ORC5: variants seen among roughly 807,000 people sequenced by gnomAD.
ORC5 encodes protein phosphatase 1, regulatory subunit 117.
Under a neutral mutation model 58.8 loss-of-function variants are expected in ORC5, and 39 were observed. The ratio of observed to expected loss-of-function variants is 0.66; its 90% CI spans 0.51 to 0.87. The LOEUF (loss-of-function observed/expected upper bound fraction) is 0.87. Ranked by LOEUF, ORC5 falls within the 40% of genes least tolerant of loss-of-function variation. ORC5 has a pLI of 0.00. For missense variants in ORC5, 493 were observed against 506.3 expected (o/e 0.97, Z 0.25); for synonymous variants, 218 against 177.6 (o/e 1.23, Z -1.81).
intron 6 of ORC5, among the ~76,000 whole-genome samples, chr7:104,184,766 C>A (rs1799508556): frequency 6.6e-6 from 1 of 152,140 alleles, no homozygotes; most frequent in East Asian, 1.9e-4. Flanking sequence ...TCTCTGATCA[C>A]CCCCCACCTT....
At chr7:104,202,771 C>T (rs952935579) in intron 2 of ORC5, among the ~76,000 whole-genome samples, 3 of 152,114 alleles carry the variant, frequency 2.0e-5, no homozygotes, top group Non-Finnish European at 2.9e-5. Context: ...CAGTATATAG[C>T]CCAGGCATAT....
intron 12 of ORC5, among the ~76,000 whole-genome samples, chr7:104,155,250 G>A (rs78074977): frequency 0.045 from 6,749 of 151,510 alleles, 494 homozygotes; most frequent in African/African-American, 0.15. Context: ...AACAGAAAAG[G>A]TATATATTTG....
intron 5 of ORC5, among the ~76,000 whole-genome samples, chr7:104,192,767 T>C (rs180832780): frequency 6.6e-6 from 1 of 151,700 alleles, no homozygotes; most frequent in East Asian, 1.9e-4. Context: ...ATCATAAGTA[T>C]GCTCATATGC....
At chr7:104,158,041 T>A (rs946528302) in intron 12 of ORC5, among the ~76,000 whole-genome samples, 15 of 152,142 alleles carry the variant, frequency 9.9e-5, no homozygotes, top group Non-Finnish European at 1.8e-4. Context: ...TTTATACATT[T>A]CTGTATAATA....
At chr7:104,173,834 T>TA (rs1471171417) in intron 8 of ORC5, among the ~76,000 whole-genome samples, 1 of 141,110 alleles carries the variant, frequency 7.1e-6, no homozygotes, top group African/African-American at 2.7e-5. Context: ...TACCTGGGTT[T>TA]AAAATTTTTT....
At chr7:104,148,877 T>C (rs929954140) in intron 12 of ORC5, among the ~76,000 whole-genome samples, 11 of 152,070 alleles carry the variant, frequency 7.2e-5, no homozygotes, top group African/African-American at 2.4e-4. Context: ...CTATTAAAGA[T>C]ACAAAAATTA....
At chr7:104,128,685 C>A (rs1401293677) in intron 13 of ORC5, among the ~76,000 whole-genome samples, 1 of 130,540 alleles carries the variant, frequency 7.7e-6, no homozygotes, top group African/African-American at 2.9e-5. Flanking sequence ...TCCCCCCCAC[C>A]CCACAACAGT....
chr7:104,139,961 C>T (rs191818107), intron 12 of ORC5, among the ~76,000 whole-genome samples: 9 of 152,026 alleles, frequency 5.9e-5, no homozygotes, highest in African/African-American at 1.7e-4. Flanking sequence ...AGCTATGTTA[C>T]TAGGTAACAT....
intron 1 of ORC5, 29 bp from the exon 2 acceptor site, chr7:104,204,263 T>C (rs1800019722): frequency 2.4e-6 from 3 of 1,233,312 alleles, no homozygotes; most frequent in African/African-American, 3.0e-5. Flanking sequence ...AATATGAGGC[T>C]GCACATACAA....
In ORC5 at chr7:104,136,911, T is replaced by A; in HGVS notation, c.1150-18A>T. 1 of 1,486,504 alleles carries A rather than the reference T, an allele frequency of 6.7e-7. No homozygotes were observed. 92.1% of individuals were successfully genotyped at this position (1,486,504 alleles called of 1,614,324 possible). On this transcript the variant is annotated intron_variant, in intron 12 of 13. Coordinates refer to ENST00000297431, the MANE Select transcript of ORC5 (RefSeq NM_002553.4). This position sits in a 1 kb window ranked among gnomAD's most constrained non-coding sequence, Gnocchi z 4.2. ...GAGGTAATCTAAAAGAGAACATTTT[T>A]ATAAGAAACTGTTTTAATAAGATTA...
At chr7:104,190,037 G>C (rs1057232682) in intron 5 of ORC5, among the ~76,000 whole-genome samples, 2 of 152,052 alleles carry the variant, frequency 1.3e-5, no homozygotes, top group African/African-American at 2.4e-5. Flanking sequence ...TTGATATCTA[G>C]AAAACTGAAG....
intron 12 of ORC5, among the ~76,000 whole-genome samples, chr7:104,157,710 G>A (rs1798949686): frequency 6.6e-6 from 1 of 152,042 alleles, no homozygotes; most frequent in Non-Finnish European, 1.5e-5. Context: ...TAAAATTGCT[G>A]AAGAGTTTAT....
At chr7:104,202,104 C>CAAA (rs11440920) in intron 2 of ORC5, among the ~76,000 whole-genome samples, 1 of 151,412 alleles carries the variant, frequency 6.6e-6, no homozygotes. Flanking sequence ...CAAAACAAAA[C>CAAA]AAAAAAAACT....
At chr7:104,196,613 C>G (rs913506362) in intron 4 of ORC5, among the ~76,000 whole-genome samples, 1 of 152,162 alleles carries the variant, frequency 6.6e-6, no homozygotes, top group African/African-American at 2.4e-5. Flanking sequence ...AGCAGATTCT[C>G]AAATTTGAGT....
At position 104,161,059 on chromosome 7, in the gene ORC5, T is replaced by G. The variant is rs1799013867; in HGVS notation, c.1149+13A>C. 7.7e-7 allele frequency: 1 copy of G among 1,305,622 alleles called. No homozygotes were observed. Among genetic ancestry groups the G allele is most frequent in the Non-Finnish European group, 1.1e-6 (1 of 899,728 alleles). 80.9% of individuals were successfully genotyped at this position (1,305,622 alleles called of 1,614,324 possible). Reference sequence around the variant, plus strand: ...CACAAAGATGACAGATAATAATCTATGATTAAGCTTACCTGGGAAAAAATA... The same window carrying G: ...CACAAAGATGACAGATAATAATCTAGGATTAAGCTTACCTGGGAAAAAATA... On this transcript the variant is annotated intron_variant, in intron 12 of 13. Coordinates refer to ENST00000297431, the MANE Select transcript of ORC5 (RefSeq NM_002553.4).
At chr7:104,154,328 T>G (rs1483053396) in intron 12 of ORC5, among the ~76,000 whole-genome samples, 1 of 151,986 alleles carries the variant, frequency 6.6e-6, no homozygotes, top group African/African-American at 2.4e-5. Context: ...AACAAACAGG[T>G]TTGTTATGAC....
chr7:104,126,994 T>TA lies in ORC5; in HGVS notation c.1263-102dup, dbSNP rs528812315. ...ATGCAAAATAATTCATGACTAATGC[T>TA]AAAAATCCTATAGTGCTATCAAATG... On this transcript the variant is annotated intron_variant, in intron 13 of 13. Transcript: ENST00000297431. 70 of 749,674 alleles carry TA rather than the reference T, an allele frequency of 9.3e-5. No individual in the cohort carries two copies. In the African/African-American group the frequency reaches 1.1e-3, roughly 12 times the overall value. The allele number at this position is 749,674 out of a possible 1,614,324, so 46.4% of individuals were successfully genotyped here. A position where few individuals can be genotyped will look rare whatever the true frequency, so the allele number is the denominator to read the frequency against.
intron 11 of ORC5, 139 bp from the exon 12 acceptor site, chr7:104,161,321 T>C (rs1006248473): frequency 6.4e-5 from 36 of 560,572 alleles, no homozygotes; most frequent in African/African-American, 6.4e-4. Flanking sequence ...ACCTGCAAAC[T>C]CTAAGTTAAA....
At chr7:104,167,598 C>T (rs1016836971) in intron 9 of ORC5, among the ~76,000 whole-genome samples, 14 of 152,182 alleles carry the variant, frequency 9.2e-5, no homozygotes, top group Non-Finnish European at 1.6e-4. Flanking sequence ...AATATTAAAA[C>T]AGTAGGGTCA....
Sources: allele counts gnomAD v4.1 joint callset (sites outside exome capture counted in the v4.1 genomes callset), GRCh38; gene constraint gnomAD v4.1.1; non-coding constraint Gnocchi (gnomAD v3.1); transcripts MANE v1.5; gene names NCBI Gene and HGNC (gene_info 2026-07-23, HGNC 2026-07-21).